Variants in ZNF407 observed in about 807,000 individuals in gnomAD.
ZNF407 encodes the protein zinc finger protein 407.
In ZNF407, 17 loss-of-function variants were observed where a neutral mutation model predicts 131.2. That is an observed-to-expected ratio of 0.13 (90% CI 0.09 to 0.19). The LOEUF (loss-of-function observed/expected upper bound fraction) is 0.19, where lower values mean the gene tolerates loss of function less well. Among genes scored for constraint, ZNF407 ranks in the 10% least tolerant of loss-of-function variants. The pLI, the probability that ZNF407 is intolerant of heterozygous loss-of-function variation, is 1.00. For missense variants in ZNF407, 2,681 were observed against 2,830.6 expected (o/e 0.95, Z 1.20); for synonymous variants, 1,156 against 1,062.0 (o/e 1.09, Z -1.72).
rs531744167 is a variant in ZNF407, at chr18:74,951,172, TA to T, written c.5428+30481del. On this transcript the variant is annotated intron_variant, in intron 8 of 8. Transcript: ENST00000299687. ...CCCAGTGCCTCCAAATGTTCAAATG[TA>T]CTGAACTTTTCTTTTTTCTCTATGA... Among the ~76,000 whole-genome samples the T allele has an allele frequency of 3.9e-5, 6 of 152,304 alleles. No homozygotes were observed. In the East Asian group the frequency reaches 9.7e-4, roughly 25 times the overall value.
intron 4 of ZNF407, among the ~76,000 whole-genome samples, chr18:74,785,983 GT>G (rs1969703821): frequency 6.6e-6 from 1 of 152,170 alleles, no homozygotes; most frequent in Non-Finnish European, 1.5e-5. Flanking sequence ...GCTTCACAGG[GT>G]TGTTTACAAG....
chr18:74,714,370 A>G (rs1189098486), intron 3 of ZNF407, among the ~76,000 whole-genome samples: 1 of 152,258 alleles, frequency 6.6e-6, no homozygotes, highest in Non-Finnish European at 1.5e-5. Flanking sequence ...GAACAATTAA[A>G]TGCAAAATGA....
intron 3 of ZNF407, among the ~76,000 whole-genome samples, chr18:74,725,323 C>A (rs962273196): frequency 1.5e-4 from 23 of 152,122 alleles, no homozygotes; most frequent in African/African-American, 5.6e-4. Flanking sequence ...AAAACAGTTT[C>A]TAGAGAGATG....
chr18:74,837,813 C>T (rs539408937), intron 4 of ZNF407, among the ~76,000 whole-genome samples: 12 of 152,094 alleles, frequency 7.9e-5, no homozygotes, highest in African/African-American at 2.9e-4. Flanking sequence ...ACCATCACAC[C>T]CAGCTAATTT....
intron 8 of ZNF407, among the ~76,000 whole-genome samples, chr18:75,002,609 T>C (rs1972859194): frequency 6.6e-6 from 1 of 152,076 alleles, no homozygotes. Flanking sequence ...GAGACCATCC[T>C]GGCTAACACG....
chr18:74,882,089 C>G (rs1305761394), intron 6 of ZNF407, among the ~76,000 whole-genome samples: 1 of 152,202 alleles, frequency 6.6e-6, no homozygotes, highest in African/African-American at 2.4e-5. Context: ...TCTCCCACAA[C>G]ATGTGGGAAT....
intron 3 of ZNF407, among the ~76,000 whole-genome samples, chr18:74,771,304 A>G (rs1195076853): frequency 6.6e-6 from 1 of 152,172 alleles, no homozygotes; most frequent in Non-Finnish European, 1.5e-5. Context: ...CAAATTTCAT[A>G]TAATCATAGT....
At chr18:75,005,606 A>G (rs924052395) in intron 8 of ZNF407, among the ~76,000 whole-genome samples, 1 of 151,942 alleles carries the variant, frequency 6.6e-6, no homozygotes, top group Admixed American at 6.6e-5. Context: ...ACTTAAATGT[A>G]ATTATTCATC....
chr18:74,695,723 G>C (rs546901479), intron 3 of ZNF407, among the ~76,000 whole-genome samples: 1 of 152,028 alleles, frequency 6.6e-6, no homozygotes, highest in Non-Finnish European at 1.5e-5. Context: ...TAGCCTTCAC[G>C]AAAACACACT....
chr18:74,955,772 C>T (rs970620452), intron 8 of ZNF407, among the ~76,000 whole-genome samples: 17 of 152,134 alleles, frequency 1.1e-4, no homozygotes, highest in Non-Finnish European at 2.5e-4. Flanking sequence ...TGCACATTCT[C>T]GACACATCTT....
At chr18:74,649,555 C>T (rs996416525) in intron 3 of ZNF407, among the ~76,000 whole-genome samples, 4 of 152,112 alleles carry the variant, frequency 2.6e-5, no homozygotes, top group Non-Finnish European at 5.9e-5. Context: ...TTAGTATTCA[C>T]CACTAAAATT....
intron 3 of ZNF407, among the ~76,000 whole-genome samples, chr18:74,690,007 C>T (rs778599267): frequency 4.0e-5 from 6 of 151,898 alleles, no homozygotes; most frequent in East Asian, 1.9e-4. Flanking sequence ...GAGGTACCTC[C>T]GAAAACCTAA....
intron 1 of ZNF407, among the ~76,000 whole-genome samples, chr18:74,606,430 A>G (rs183323745): frequency 6.6e-6 from 1 of 152,288 alleles, no homozygotes; most frequent in East Asian, 1.9e-4. Context: ...ATATATTTTG[A>G]GTAGATACGG....
chr18:74,618,665 A>T (rs1438648463), intron 1 of ZNF407, among the ~76,000 whole-genome samples: 2 of 152,202 alleles, frequency 1.3e-5, no homozygotes, highest in African/African-American at 4.8e-5. Flanking sequence ...CTTCCCATTC[A>T]GTCACCTCTT....
intron 6 of ZNF407, among the ~76,000 whole-genome samples, chr18:74,881,743 A>T (rs1037207120): frequency 6.6e-6 from 1 of 152,232 alleles, no homozygotes; most frequent in African/African-American, 2.4e-5. Flanking sequence ...TTTCTCCATG[A>T]TGTGCATTCT....
At position 75,027,740 on chromosome 18, in the gene ZNF407, CAG is replaced by C. The variant is rs575156045; in HGVS notation, c.5429-35407_5429-35406del. ...AGAGGGTTCAGAGTTCAAGGTCAGA[CAG>C]AGGCTGGTGGCAGCACAGGAGTACG... On this transcript the variant is annotated intron_variant, in intron 8 of 8. Coordinates refer to ENST00000299687, the MANE Select transcript of ZNF407 (RefSeq NM_017757.3). Among the ~76,000 whole-genome samples, 7 of 152,202 alleles carry C rather than the reference CAG, an allele frequency of 4.6e-5. No homozygotes were observed. The East Asian group carries it at 1.4e-3, about 29-fold the overall frequency.
chr18:74,879,679 A>C (rs1416800134), intron 5 of ZNF407, among the ~76,000 whole-genome samples: 4 of 152,202 alleles, frequency 2.6e-5, no homozygotes, highest in Non-Finnish European at 5.9e-5. Context: ...CCCCAAAATA[A>C]GAAGTAAAGA....
At chr18:74,832,810 C>T (rs1970503694) in intron 4 of ZNF407, among the ~76,000 whole-genome samples, 1 of 152,208 alleles carries the variant, frequency 6.6e-6, no homozygotes, top group African/African-American at 2.4e-5. Flanking sequence ...GTGCAACACA[C>T]ATACTACATT....
chr18:74,747,974 A>G (rs1339484754), intron 3 of ZNF407, among the ~76,000 whole-genome samples: 12 of 152,174 alleles, frequency 7.9e-5, no homozygotes. Flanking sequence ...AGAATTATCA[A>G]CTACAGTTCT....
Sources: gnomAD v4.1 joint callset for allele counts (sites outside exome capture counted in the v4.1 genomes callset) on GRCh38, gnomAD v4.1.1 for gene constraint, MANE v1.5 for transcripts, NCBI Gene and HGNC (gene_info 2026-07-23, HGNC 2026-07-21) for gene names.